TCEA3: variants seen among roughly 807,000 people sequenced by gnomAD.
TCEA3 encodes the protein transcription elongation factor A protein 3.
A neutral mutation model predicts 44.0 loss-of-function variants in TCEA3; 36 were observed. The ratio of observed to expected loss-of-function variants is 0.82; its 90% CI spans 0.63 to 1.08. TCEA3 has a LOEUF of 1.08. Among genes scored for constraint, TCEA3 ranks in the 50% least tolerant of loss-of-function variants. The pLI is 0.00. For missense variants in TCEA3, 392 were observed against 441.2 expected, an observed-to-expected ratio of 0.89 and a Z score of 1.00; for synonymous variants, 162 against 159.7, an observed-to-expected ratio of 1.01 and a Z score of -0.11.
chr1:23,390,234 C>T (rs1392220674), intron 8 of TCEA3, among the ~76,000 whole-genome samples: 2 of 152,074 alleles, frequency 1.3e-5, no homozygotes. Flanking sequence ...TTCAGGAAGC[C>T]GAGGCGGGCA....
intron 7 of TCEA3, 115 bp downstream of exon 7, chr1:23,397,430 G>A (rs1312192192): frequency 2.3e-6 from 2 of 884,432 alleles, no homozygotes; most frequent in Non-Finnish European, 3.6e-6. Context: ...GGGCAGAGCA[G>A]GGGCTGTTCC....
Position 23,387,295 on chromosome 1 carries a change from T to G in TCEA3, c.944A>C (p.Lys315Thr). The G allele has an allele frequency of 6.2e-7, 1 of 1,613,952 alleles. No individual in the cohort carries two copies. Among genetic ancestry groups the G allele is most frequent in the Non-Finnish European group, 8.5e-7 (1 of 1,179,880 alleles). The change falls in exon 9 of 11, where the codon AAG becomes ACG. Residue 315 changes from lysine (K) to threonine (T), a missense_variant. By Grantham distance (78) the Lys-to-Thr change is moderately conservative (BLOSUM62 -1). Coordinates refer to ENST00000450454, the MANE Select transcript of TCEA3 (RefSeq NM_003196.3). ...TDLFQCSKCKKKNCTYNQVQT... is the reference protein window; with the variant it reads ...TDLFQCSKCKTKNCTYNQVQT... ...TACCTGGTTATAGGTGCAGTTCTTC[T>G]TCTTGCATTTGCTGCACTGGAAGAG...
chr1:23,382,932 A>C (rs1638705490), intron 10 of TCEA3, among the ~76,000 whole-genome samples: 1 of 152,236 alleles, frequency 6.6e-6, no homozygotes, highest in Admixed American at 6.5e-5. Context: ...TACCTTAAAA[A>C]ATATGGCAGT....
rs566218934 is a variant in TCEA3 at position 23,383,955 on chromosome 1, G to T, written c.1038+391C>A. 12 of 1,047,628 alleles carry T rather than the reference G, an allele frequency of 1.1e-5. 1 individual carries two copies. In the African/African-American group the frequency reaches 2.0e-4, roughly 18 times the overall value. 64.9% of individuals were successfully genotyped at this position (1,047,628 alleles called of 1,614,324 possible). ...CTCAGCCTTCCTGTTTCCCATCCTTGGCTGTGGCCAGGTTCAAAGGAAATA... is the reference window on the plus strand; with the variant it reads ...CTCAGCCTTCCTGTTTCCCATCCTTTGCTGTGGCCAGGTTCAAAGGAAATA... On this transcript the variant is annotated intron_variant, in intron 10 of 10. Transcript: ENST00000450454.
chr1:23,419,522 T>A (rs1367997449), intron 1 of TCEA3: 1 of 172,632 alleles, frequency 5.8e-6, no homozygotes, highest in Non-Finnish European at 1.2e-5. Flanking sequence ...GGGTGAGGAC[T>A]GGGAGCCTTT....
intron 4 of TCEA3, among the ~76,000 whole-genome samples, chr1:23,411,864 A>G (rs2148576330): frequency 6.6e-6 from 1 of 152,354 alleles, no homozygotes; most frequent in Non-Finnish European, 1.5e-5. Flanking sequence ...CTTTCAATGC[A>G]GCTACAAGGC....
intron 4 of TCEA3, among the ~76,000 whole-genome samples, chr1:23,416,964 T>C (rs961885794): frequency 5.9e-5 from 9 of 152,324 alleles, no homozygotes; most frequent in Admixed American, 3.9e-4. Flanking sequence ...TGCGGTCTCC[T>C]ATGGGAACTC....
chr1:23,390,637 A>G (rs1638995726), intron 8 of TCEA3, among the ~76,000 whole-genome samples: 2 of 152,128 alleles, frequency 1.3e-5, no homozygotes, highest in Non-Finnish European at 2.9e-5. Context: ...CAGCTAAGAA[A>G]TAGAGAACAG....
At chr1:23,418,083 G>T in intron 2 of TCEA3, 74 bp from the exon 3 acceptor site, 1 of 1,453,800 alleles carries the variant, frequency 6.9e-7, no homozygotes, top group Non-Finnish European at 9.6e-7. Flanking sequence ...GGCAGATCCT[G>T]CCCCAGCTCT....
intron 2 of TCEA3, 127 bp from the exon 3 acceptor site, chr1:23,418,136 C>A (rs1639947475): frequency 5.6e-6 from 5 of 891,670 alleles, no homozygotes; most frequent in Non-Finnish European, 7.0e-6. Flanking sequence ...GAGTCCTAGC[C>A]CTGACTCCTG....
chr1:23,408,881 G>A (rs1639630939), intron 4 of TCEA3, among the ~76,000 whole-genome samples, 155 bp from the exon 5 acceptor site: 1 of 152,214 alleles, frequency 6.6e-6, no homozygotes. Flanking sequence ...GCTCCAGGCG[G>A]TGCCGGCTGG....
chr1:23,412,086 TCA>T (rs1482553164), intron 4 of TCEA3: 1 of 152,256 alleles, frequency 6.6e-6, no homozygotes, highest in Non-Finnish European at 1.5e-5. Flanking sequence ...TCTCTGGTCC[TCA>T]GTTTCCTGCA....
intron 4 of TCEA3, among the ~76,000 whole-genome samples, chr1:23,416,667 T>A (rs1468966479): frequency 6.6e-6 from 1 of 152,028 alleles, no homozygotes; most frequent in African/African-American, 2.4e-5. Context: ...AATTTTTGTA[T>A]TTTTTGTAGA....
At position 23,397,921 on chromosome 1, in the gene TCEA3, T is replaced by G; in HGVS notation, c.478A>C (p.Lys160Gln). The G allele has an allele frequency of 6.2e-7, 1 of 1,613,804 alleles. No individual in the cohort carries two copies. Residue 160 changes from lysine to glutamine, a missense_variant, in exon 6 of 11, where the codon AAA becomes CAA. Transcript: ENST00000450454. ...GGGGTCAAGGGGCTGCTAGGTGTTT[T>G]GGGGCTCTCCGCTTTTGATTTGCTG... ...NSSKSKAESPKTPSSPLTPTF... is the reference protein window; with the variant it reads ...NSSKSKAESPQTPSSPLTPTF...
chr1:23,417,885 C>T lies in TCEA3; in HGVS notation c.238+19G>A. The T allele has an allele frequency of 6.2e-7, 1 of 1,612,440 alleles. No individual in the cohort carries two copies. Among genetic ancestry groups the T allele is most frequent in the Non-Finnish European group, 8.5e-7 (1 of 1,178,482 alleles). On this transcript the variant is annotated intron_variant, in intron 3 of 10. Coordinates refer to ENST00000450454, the MANE Select transcript of TCEA3 (RefSeq NM_003196.3). The stretch of plus-strand genomic sequence containing the variant: ...GCTAGGAGAAAAACAGGGCTCAAGA[C>T]AACCTTGTCCTCTCTCACCTAGCAG...
chr1:23,399,144 G>GTATATATGTA (rs1553167290), intron 5 of TCEA3, among the ~76,000 whole-genome samples: 810 of 61,110 alleles, frequency 0.013, 18 homozygotes, highest in Non-Finnish European at 0.018. Flanking sequence ...ATGTATATAT[G>GTATATATGTA]TATATATATA....
intron 7 of TCEA3, 65 bp downstream of exon 7, chr1:23,397,480 T>C (rs567123277): frequency 6.7e-7 from 1 of 1,503,426 alleles, no homozygotes; most frequent in Middle Eastern, 2.0e-4. Flanking sequence ...CCAGCTCGCT[T>C]GCACCTTGGA....
intron 4 of TCEA3, among the ~76,000 whole-genome samples, chr1:23,411,939 C>T (rs1482288973): frequency 6.6e-6 from 1 of 152,236 alleles, no homozygotes; most frequent in African/African-American, 2.4e-5. Context: ...ATATGATTAA[C>T]TGCTTTTGTT....
At chr1:23,388,322 C>T (rs1263076731) in intron 8 of TCEA3, among the ~76,000 whole-genome samples, 5 of 151,694 alleles carry the variant, frequency 3.3e-5, no homozygotes, top group South Asian at 4.2e-4. Context: ...CTCAGCCTCC[C>T]GAGTAGCTGG....
Sources: gnomAD v4.1 joint callset for allele counts (sites outside exome capture counted in the v4.1 genomes callset) on GRCh38, gnomAD v4.1.1 for gene constraint, MANE v1.5 for transcripts, NCBI Gene and HGNC (gene_info 2026-07-23, HGNC 2026-07-21) for gene names.